PDE4D: variants seen among roughly 807,000 people sequenced by gnomAD.
PDE4D encodes the protein phosphodiesterase 4D.
Under a neutral mutation model 87.4 loss-of-function variants are expected in PDE4D, and 24 were observed. That is an observed-to-expected ratio of 0.27 (90% CI 0.20 to 0.39). The LOEUF (loss-of-function observed/expected upper bound fraction) is 0.39. PDE4D is among the 10% of genes least tolerant of loss of function. PDE4D has a pLI of 1.00. For missense variants in PDE4D, 714 were observed against 1,041.0 expected (o/e 0.69, Z 4.32); for synonymous variants, 384 against 383.2 (o/e 1.00, Z -0.02).
intron 1 of PDE4D, among the ~76,000 whole-genome samples, chr5:59,857,974 GGAAGGAGAGAT>G (rs1290732996): frequency 6.6e-6 from 1 of 150,756 alleles, no homozygotes; most frequent in African/African-American, 2.4e-5. Flanking sequence ...ATGGAAGGAA[GGAAGGAGAGAT>G]GAAGGAAGGA....
At chr5:59,189,232 G>GTTTTTT (rs34203891) in intron 3 of PDE4D, among the ~76,000 whole-genome samples, 3 of 99,896 alleles carry the variant, frequency 3.0e-5, no homozygotes, top group Admixed American at 1.1e-4. Flanking sequence ...TTCCTACCCC[G>GTTTTTT]TTTTTTTTTT....
chr5:59,799,484 A>G (rs1766873532), intron 1 of PDE4D, among the ~76,000 whole-genome samples: 1 of 152,186 alleles, frequency 6.6e-6, no homozygotes, highest in African/African-American at 2.4e-5. Context: ...CCTGAAATGC[A>G]GGTTTGGTTA....
chr5:59,893,284 C>T lies in PDE4D; in HGVS notation c.339G>A (p.Glu113=), dbSNP rs370095823. ...CCATGGCGCGACAGTACAGGTAGCG[C>T]TCGGTGTCCGAGTAGCCGCGATGCC... ...RVRHRGYSDT[E]RYLYCRAMDR... is the part of the protein sequence containing the mutation. The change falls in exon 1 of 15, where the codon GAG becomes GAA. Residue 113 remains glutamate (E), a synonymous_variant. Coordinates refer to ENST00000340635, the MANE Select transcript of PDE4D (RefSeq NM_001104631.2). 5.1e-4 allele frequency: 794 copies of T among 1,546,682 alleles called. 2 individuals are homozygous for T. Among genetic ancestry groups the T allele is most frequent in the Non-Finnish European group, 5.7e-4 (649 of 1,145,082 alleles).
chr5:60,447,686 C>T (rs1242946964), intron 1 of PDE4D, among the ~76,000 whole-genome samples: 1 of 152,044 alleles, frequency 6.6e-6, no homozygotes, highest in Non-Finnish European at 1.5e-5. Context: ...ACACATAAAA[C>T]TCACTCTAAA....
intron 1 of PDE4D, among the ~76,000 whole-genome samples, chr5:60,471,233 G>A (rs1424544370): frequency 6.6e-6 from 1 of 152,122 alleles, no homozygotes; most frequent in African/African-American, 2.4e-5. Context: ...AATTAGAAGT[G>A]GAGCCTGAAG....
chr5:60,076,701 G>A (rs534411598), intron 2 of PDE4D, among the ~76,000 whole-genome samples: 1 of 152,302 alleles, frequency 6.6e-6, no homozygotes, highest in African/African-American at 2.4e-5. Context: ...CACTGGAGGG[G>A]CTGAGTTACT....
At chr5:60,497,630 C>T (rs1749876589) in intron 1 of PDE4D, among the ~76,000 whole-genome samples, 1 of 152,078 alleles carries the variant, frequency 6.6e-6, no homozygotes, top group Admixed American at 6.6e-5. Context: ...TCTCAAACCC[C>T]TGGCCTCATG....
At chr5:60,212,221 TCA>T (rs1743310271) in intron 1 of PDE4D, among the ~76,000 whole-genome samples, 1 of 152,180 alleles carries the variant, frequency 6.6e-6, no homozygotes. Flanking sequence ...TGTGGAACTG[TCA>T]CAGACTGGTA....
intron 1 of PDE4D, among the ~76,000 whole-genome samples, chr5:60,326,734 G>T (rs977958645): frequency 6.6e-6 from 1 of 152,156 alleles, no homozygotes; most frequent in African/African-American, 2.4e-5. Flanking sequence ...AGAACTCACA[G>T]ATTGTTTCTC....
At chr5:59,799,483 C>A (rs1174720097) in intron 1 of PDE4D, among the ~76,000 whole-genome samples, 1 of 152,130 alleles carries the variant, frequency 6.6e-6, no homozygotes, top group Non-Finnish European at 1.5e-5. Context: ...ACCTGAAATG[C>A]AGGTTTGGTT....
intron 1 of PDE4D, chr5:60,460,692 T>C (rs1189675151): frequency 3.1e-6 from 3 of 964,176 alleles, no homozygotes; most frequent in Non-Finnish European, 4.9e-6. Flanking sequence ...GAGGCATTCT[T>C]GGTTTCTTCT....
At chr5:59,529,089 A>G in intron 1 of PDE4D, 1 of 466,044 alleles carries the variant, frequency 2.1e-6, no homozygotes, top group Non-Finnish European at 4.3e-6. Flanking sequence ...AGATCAGCAA[A>G]TGTCTATTCT....
At chr5:59,983,985 A>C (rs1420740128) in intron 3 of PDE4D, among the ~76,000 whole-genome samples, 1 of 152,220 alleles carries the variant, frequency 6.6e-6, no homozygotes. Flanking sequence ...TAAATACATT[A>C]TGCTATATTT....
intron 1 of PDE4D, among the ~76,000 whole-genome samples, chr5:60,401,776 G>T (rs1299941999): frequency 5.3e-5 from 8 of 152,188 alleles, no homozygotes. Context: ...ACTTATTACA[G>T]AACATTGAAA....
At chr5:60,348,627 T>C (rs1758928181) in intron 1 of PDE4D, among the ~76,000 whole-genome samples, 1 of 152,140 alleles carries the variant, frequency 6.6e-6, no homozygotes, top group Non-Finnish European at 1.5e-5. Context: ...TCCAACTGCT[T>C]AAAATTTCAT....
intron 1 of PDE4D, among the ~76,000 whole-genome samples, chr5:59,448,566 G>A (rs995700206): frequency 1.3e-5 from 2 of 152,166 alleles, no homozygotes; most frequent in Non-Finnish European, 2.9e-5. Context: ...AGTCTCAAAT[G>A]TGTTTTGTTT....
chr5:59,956,215 G>A (rs1187244024), intron 3 of PDE4D, among the ~76,000 whole-genome samples: 1 of 152,134 alleles, frequency 6.6e-6, no homozygotes, highest in Admixed American at 6.5e-5. Flanking sequence ...GGGAGAAGGT[G>A]GAGTTTTGTG....
chr5:59,672,724 C>T (rs1293867346), intron 1 of PDE4D, among the ~76,000 whole-genome samples: 3 of 151,972 alleles, frequency 2.0e-5, no homozygotes, highest in African/African-American at 7.3e-5. Context: ...ATGTAATCAC[C>T]ATATAGAAAA....
chr5:59,105,879 T>A (rs1771500568), intron 5 of PDE4D, among the ~76,000 whole-genome samples: 1 of 152,030 alleles, frequency 6.6e-6, no homozygotes, highest in Admixed American at 6.6e-5. Context: ...TGATAGAGAA[T>A]CTCCCCATAG....
Sources: allele counts gnomAD v4.1 joint callset (sites outside exome capture counted in the v4.1 genomes callset), GRCh38; gene constraint gnomAD v4.1.1; transcripts MANE v1.5; gene names NCBI Gene and HGNC (gene_info 2026-07-23, HGNC 2026-07-21).